PDE5A: variants seen among roughly 807,000 people sequenced by gnomAD.
The protein encoded by PDE5A is cGMP-specific 3',5'-cyclic phosphodiesterase.
A neutral mutation model predicts 110.2 loss-of-function variants in PDE5A; 67 were observed. The ratio of observed to expected loss-of-function variants is 0.61; its 90% CI spans 0.50 to 0.75. The LOEUF (loss-of-function observed/expected upper bound fraction) is 0.75, where lower values mean the gene tolerates loss of function less well. Among genes scored for constraint, PDE5A ranks in the 30% least tolerant of loss-of-function variants. PDE5A has a pLI of 0.00. For synonymous variants in PDE5A, 328 were observed against 351.2 expected, an observed-to-expected ratio of 0.93 and a Z score of 0.74; for missense variants, 862 against 1,045.1, an observed-to-expected ratio of 0.82 and a Z score of 2.42.
rs1725533271 is a variant in PDE5A, at chr4:119,505,861, A to T, written c.2261T>A (p.Leu754Ter). 1 of 1,552,432 alleles carries T rather than the reference A, an allele frequency of 6.4e-7. No individual in the cohort carries two copies. The highest frequency in any genetic ancestry group is 8.7e-7 in the Non-Finnish European group (1 of 1,144,636). ...FNLEDPHQKE[L>*]FLAMLMTACD... ...AGATAGTAAACCTACTTACAAAAACAACTCCTTTTGATGAGGATCTTCCAA... is the reference window on the plus strand; with the variant it reads ...AGATAGTAAACCTACTTACAAAAACTACTCCTTTTGATGAGGATCTTCCAA... Residue 754 changes from leucine to a stop codon, truncating the protein, a stop_gained, in exon 17 of 21, where the codon TTG becomes TAG. Coordinates refer to ENST00000354960, the MANE Select transcript of PDE5A (RefSeq NM_001083.4). LOFTEE classifies it high-confidence loss of function.
At chr4:119,568,517 G>C (rs1728027635) in intron 3 of PDE5A, among the ~76,000 whole-genome samples, 1 of 152,040 alleles carries the variant, frequency 6.6e-6, no homozygotes, top group African/African-American at 2.4e-5. Context: ...TAAAAAACTG[G>C]GGAAGTGATT....
chr4:119,610,917 G>A (rs945786102), intron 1 of PDE5A, among the ~76,000 whole-genome samples: 4 of 152,048 alleles, frequency 2.6e-5, no homozygotes, highest in African/African-American at 9.7e-5. Context: ...CCACACAGCA[G>A]CCACAGTAAA....
At chr4:119,511,252 A>G in intron 14 of PDE5A, 118 bp from the exon 15 acceptor site, 1 of 635,226 alleles carries the variant, frequency 1.6e-6, no homozygotes, top group Non-Finnish European at 2.9e-6. Context: ...TTAATCAACT[A>G]ACAATTTTCT....
intron 3 of PDE5A, among the ~76,000 whole-genome samples, chr4:119,582,381 C>T (rs1728617587): frequency 6.6e-6 from 1 of 152,180 alleles, no homozygotes; most frequent in Non-Finnish European, 1.5e-5. Flanking sequence ...ATTTCTAATT[C>T]TAATTCTCTT....
chr4:119,628,495 G>C, intron 1 of PDE5A, 25 bp downstream of exon 1: 1 of 1,531,696 alleles, frequency 6.5e-7, no homozygotes, highest in Non-Finnish European at 8.8e-7. Flanking sequence ...ATCAGCCCCG[G>C]GTCTTCCGTG....
At chr4:119,546,470 G>T (rs1727132372) in intron 9 of PDE5A, among the ~76,000 whole-genome samples, 1 of 151,934 alleles carries the variant, frequency 6.6e-6, no homozygotes, top group Admixed American at 6.6e-5. Flanking sequence ...ATCTTGGCAT[G>T]TCTTTTAGCA....
intron 11 of PDE5A, among the ~76,000 whole-genome samples, chr4:119,536,858 G>A (rs1307564003): frequency 6.6e-6 from 1 of 152,076 alleles, no homozygotes; most frequent in African/African-American, 2.4e-5. Flanking sequence ...ATCCTGAGAA[G>A]CACAATAGAA....
At chr4:119,583,684 C>T (rs1028816213) in intron 3 of PDE5A, among the ~76,000 whole-genome samples, 1 of 152,178 alleles carries the variant, frequency 6.6e-6, no homozygotes, top group South Asian at 2.1e-4. Context: ...AATTATAATA[C>T]TGTTGTCTCT....
chr4:119,591,280 C>T (rs558845003), intron 3 of PDE5A, among the ~76,000 whole-genome samples: 2 of 152,172 alleles, frequency 1.3e-5, no homozygotes, highest in Admixed American at 1.3e-4. Context: ...TGATGCACTT[C>T]CAGTGTGCCA....
intron 3 of PDE5A, among the ~76,000 whole-genome samples, chr4:119,581,022 T>G (rs1288184549): frequency 2.0e-5 from 3 of 152,302 alleles, no homozygotes; most frequent in Non-Finnish European, 4.4e-5. Flanking sequence ...CGGACGGTGT[T>G]TTTGGATTTG....
Position 119,496,974 on chromosome 4 carries a change from T to G in PDE5A, c.*1627A>C, listed in dbSNP as rs902769893. ...TGTTTTTTTACCAGAATGATAAAAA[T>G]AAAACTGCATTATGTCAAGATATTT... On this transcript the variant is annotated 3_prime_UTR_variant, in exon 21 of 21. Transcript: ENST00000354960. The G allele has an allele frequency of 1.3e-5, 2 of 152,188 alleles. No homozygotes were observed. The highest frequency in any genetic ancestry group is 6.6e-5 in the Admixed American group (1 of 15,242). 9.4% of individuals were successfully genotyped at this position (152,188 alleles called of 1,614,324 possible).
rs374510132 is a variant in PDE5A at position 119,504,537 on chromosome 4, C to G, written c.2330G>C (p.Arg777Pro). The G allele has an allele frequency of 1.2e-6, 2 of 1,608,378 alleles. No homozygotes were observed. Among genetic ancestry groups the G allele is most frequent in the Middle Eastern group, 1.7e-4 (1 of 6,016 alleles). The change falls in exon 18 of 21, where the codon CGG becomes CCG. Residue 777 changes from arginine to proline, a missense_variant and splice_region_variant. Physicochemically the swap from Arg to Pro is moderately radical, Grantham distance 103 (BLOSUM62 -2). Coordinates refer to ENST00000354960, the MANE Select transcript of PDE5A (RefSeq NM_001083.4). ...AITKPWPIQQ[R>P]IAELVATEFF... ...TGTTATTGTCACTAAGTAACATACC[C>G]GTTGTTGAATAGGCCAGGGTTTTGT...
intron 4 of PDE5A, among the ~76,000 whole-genome samples, chr4:119,566,179 A>G (rs575787416): frequency 6.6e-6 from 1 of 152,194 alleles, no homozygotes; most frequent in East Asian, 1.9e-4. Flanking sequence ...ACAGAACAGG[A>G]GCCTAGATGT....
At chr4:119,500,276 T>C (rs1725253829) in intron 20 of PDE5A, 1 of 151,714 alleles carries the variant, frequency 6.6e-6, no homozygotes, top group South Asian at 2.1e-4. Context: ...TTTTTTTTTT[T>C]TTTCTCCATG....
At chr4:119,553,144 A>G (rs1219381708) in intron 8 of PDE5A, among the ~76,000 whole-genome samples, 2 of 152,078 alleles carry the variant, frequency 1.3e-5, no homozygotes, top group East Asian at 1.9e-4. Flanking sequence ...TCAAAGTGCA[A>G]TGCTTTCCTG....
At chr4:119,579,004 C>T (rs1354158347) in intron 3 of PDE5A, among the ~76,000 whole-genome samples, 1 of 151,446 alleles carries the variant, frequency 6.6e-6, no homozygotes, top group East Asian at 1.9e-4. Flanking sequence ...AAAAAACAAA[C>T]AACCCCATCA....
In PDE5A at chr4:119,536,324, T is replaced by C. The variant is rs1417930052; in HGVS notation, c.1632+2636A>G. ...TAACCTAGAACAACACATATAATGA[T>C]AGAGTGTAACCCTCACCTTCATTTT... On this transcript the variant is annotated intron_variant, in intron 11 of 20. Coordinates refer to ENST00000354960, the MANE Select transcript of PDE5A (RefSeq NM_001083.4). Among the ~76,000 whole-genome samples the C allele has an allele frequency of 2.6e-5, 4 of 152,158 alleles. No individual in the cohort carries two copies. The East Asian group carries it at 7.7e-4, about 29-fold the overall frequency.
chr4:119,514,667 C>T (rs1456810167), intron 14 of PDE5A, among the ~76,000 whole-genome samples: 1 of 152,100 alleles, frequency 6.6e-6, no homozygotes, highest in East Asian at 1.9e-4. Flanking sequence ...TTCTACTGGG[C>T]ACAGTATTTT....
intron 1 of PDE5A, among the ~76,000 whole-genome samples, chr4:119,615,085 G>A (rs1370067145): frequency 6.6e-6 from 1 of 152,082 alleles, no homozygotes; most frequent in South Asian, 2.1e-4. Flanking sequence ...ATTTTCACTG[G>A]AGTTTGAGAT....
Sources: allele counts gnomAD v4.1 joint callset (sites outside exome capture counted in the v4.1 genomes callset), GRCh38; gene constraint gnomAD v4.1.1; transcripts MANE v1.5; gene names NCBI Gene and HGNC (gene_info 2026-07-23, HGNC 2026-07-21).